RABGAP1L: variants seen among roughly 807,000 people sequenced by gnomAD.
RABGAP1L encodes RAB GTPase activating protein 1 like, also known as rab GTPase-activating protein 1-like.
RABGAP1L carries 63 observed loss-of-function variants against 137.7 expected under a neutral mutation model. That is an observed-to-expected ratio of 0.46 (90% CI 0.37 to 0.56). The LOEUF (loss-of-function observed/expected upper bound fraction) is 0.56. Among genes scored for constraint, RABGAP1L ranks in the 20% least tolerant of loss-of-function variants. The probability of loss-of-function intolerance (pLI) is 0.00; values close to 1 mark genes in which losing one functional copy is unlikely to be tolerated. For synonymous variants in RABGAP1L, 431 were observed against 433.7 expected (o/e 0.99, Z 0.08); for missense variants, 1,095 against 1,244.0 (o/e 0.88, Z 1.80).
chr1:174,918,343 ATACTT>A (rs1371569107), intron 19 of RABGAP1L, among the ~76,000 whole-genome samples: 1 of 152,218 alleles, frequency 6.6e-6, no homozygotes, highest in Non-Finnish European at 1.5e-5. Flanking sequence ...TATGTGAAAT[ATACTT>A]TATTATCTAT....
Position 174,278,721 on chromosome 1 carries a change from G to A in RABGAP1L, c.1265G>A (p.Arg422Gln), listed in dbSNP as rs1675228179. 1.3e-6 allele frequency: 2 copies of A among 1,586,604 alleles called. No individual in the cohort carries two copies. ...GTCCGTGTGTACCCTGCAAATGAGCGATTTTGGTATTTCAGCAGAAAGACT... is the reference window on the plus strand; with the variant it reads ...GTCCGTGTGTACCCTGCAAATGAGCAATTTTGGTATTTCAGCAGAAAGACT... Reference protein sequence around the residue: ...TVVRVYPANERFWYFSRKTFT... With the variant: ...TVVRVYPANEQFWYFSRKTFT... The change falls in exon 10 of 26, where the codon CGA becomes CAA. Residue 422 changes from arginine to glutamine, a missense_variant. Arg to Gln is a conservative substitution (Grantham distance 43). Transcript: ENST00000681986.
chr1:174,321,981 T>G (rs192602203), intron 11 of RABGAP1L, among the ~76,000 whole-genome samples: 211 of 137,422 alleles, frequency 1.5e-3, no homozygotes, highest in African/African-American at 5.5e-3. Context: ...TTTATATATA[T>G]TAGACAATTT....
At chr1:174,563,031 TA>T (rs2148023193) in intron 13 of RABGAP1L, among the ~76,000 whole-genome samples, 1 of 152,268 alleles carries the variant, frequency 6.6e-6, no homozygotes, top group Admixed American at 6.5e-5. Flanking sequence ...TGAAGTTTGA[TA>T]TTATCATTTA....
intron 14 of RABGAP1L, among the ~76,000 whole-genome samples, chr1:174,645,755 A>C (rs1674918387): frequency 6.6e-6 from 1 of 152,116 alleles, no homozygotes; most frequent in African/African-American, 2.4e-5. Context: ...GGCTGGGTCA[A>C]ATGGTATTTC....
Position 174,761,974 on chromosome 1 carries a change from A to G in RABGAP1L, c.2211+9620A>G, listed in dbSNP as rs572213346. On this transcript the variant is annotated intron_variant, in intron 18 of 25. Coordinates refer to ENST00000681986, the MANE Select transcript of RABGAP1L (RefSeq NM_001366446.1). This position sits in a 1 kb window ranked among gnomAD's most constrained non-coding sequence, Gnocchi z 4.0. ...TGATGGGAGTTATGGGTAGGTTGCA[A>G]TGTTAAATAGGGTAGTCAGGATAGG... 6.6e-6 allele frequency among the ~76,000 whole-genome samples: 1 copy of G among 152,246 alleles called. No individual in the cohort carries two copies. Among genetic ancestry groups the G allele is most frequent in the South Asian group, 2.1e-4 (1 of 4,824 alleles).
chr1:174,178,143 TC>T (rs1291301781), intron 1 of RABGAP1L, among the ~76,000 whole-genome samples: 1 of 152,232 alleles, frequency 6.6e-6, no homozygotes, highest in Non-Finnish European at 1.5e-5. Context: ...GTTTGTGTCC[TC>T]CCTTATTTCC....
chr1:174,464,196 A>C (rs189514539), intron 13 of RABGAP1L, among the ~76,000 whole-genome samples: 4 of 152,202 alleles, frequency 2.6e-5, no homozygotes. Flanking sequence ...AATGAAAGAT[A>C]GTAAACCTTT....
At chr1:174,619,451 G>C (rs559311429) in intron 13 of RABGAP1L, among the ~76,000 whole-genome samples, 3 of 151,756 alleles carry the variant, frequency 2.0e-5, no homozygotes, top group East Asian at 1.9e-4. Flanking sequence ...TCGGCAGAAA[G>C]TCTACAAGCC....
chr1:174,567,466 T>A (rs1189060885), intron 13 of RABGAP1L, among the ~76,000 whole-genome samples: 4 of 152,194 alleles, frequency 2.6e-5, no homozygotes, highest in African/African-American at 9.7e-5. Flanking sequence ...AATAAAAGGC[T>A]GTGATTTAAT....
At chr1:174,727,526 TA>T (rs1229312787) in intron 17 of RABGAP1L, among the ~76,000 whole-genome samples, 1 of 152,050 alleles carries the variant, frequency 6.6e-6, no homozygotes, top group African/African-American at 2.4e-5. Context: ...AAACAACTAG[TA>T]AAGATGGAGA....
chr1:174,264,348 T>C (rs1446368478), intron 7 of RABGAP1L, among the ~76,000 whole-genome samples: 1 of 152,138 alleles, frequency 6.6e-6, no homozygotes, highest in African/African-American at 2.4e-5. Context: ...TACTCTATTT[T>C]ATTCCATTTT....
At chr1:174,559,747 G>A (rs1238019701) in intron 13 of RABGAP1L, among the ~76,000 whole-genome samples, 1 of 152,180 alleles carries the variant, frequency 6.6e-6, no homozygotes, top group Non-Finnish European at 1.5e-5. Context: ...CCAAAAGCAT[G>A]ACCTGGGAAC....
At chr1:174,372,105 C>T (rs1396141711) in intron 12 of RABGAP1L, among the ~76,000 whole-genome samples, 1 of 152,112 alleles carries the variant, frequency 6.6e-6, no homozygotes, top group Non-Finnish European at 1.5e-5. Context: ...TATCCTTACA[C>T]ATATCACATA....
chr1:174,248,717 G>C (rs1672468594), intron 5 of RABGAP1L, among the ~76,000 whole-genome samples: 1 of 152,174 alleles, frequency 6.6e-6, no homozygotes, highest in Admixed American at 6.5e-5. Flanking sequence ...AAGGAAAACA[G>C]AAGACCTCAT....
chr1:174,175,534 A>G (rs1337683572), intron 1 of RABGAP1L, among the ~76,000 whole-genome samples: 1 of 142,222 alleles, frequency 7.0e-6, no homozygotes, highest in Admixed American at 7.3e-5. Context: ...ATCTTGGCTC[A>G]CTGTAACCTC....
intron 13 of RABGAP1L, among the ~76,000 whole-genome samples, chr1:174,630,774 C>G (rs1476100025): frequency 2.1e-5 from 3 of 144,516 alleles, no homozygotes; most frequent in Non-Finnish European, 4.6e-5. Context: ...CTATTTGATT[C>G]TTCTCTCTTT....
intron 13 of RABGAP1L, among the ~76,000 whole-genome samples, chr1:174,482,251 A>G (rs1659173746): frequency 6.6e-6 from 1 of 152,246 alleles, no homozygotes; most frequent in Admixed American, 6.5e-5. Flanking sequence ...ATTTTAGTCT[A>G]GTGAGACCCA....
intron 19 of RABGAP1L, among the ~76,000 whole-genome samples, chr1:174,874,030 G>T (rs146927655): frequency 6.6e-6 from 1 of 152,208 alleles, no homozygotes; most frequent in African/African-American, 2.4e-5. Context: ...TTGTTAAAAA[G>T]AACAGTTCTA....
chr1:174,196,227 C>CTTTTT (rs758258710), intron 1 of RABGAP1L, among the ~76,000 whole-genome samples: 1 of 141,064 alleles, frequency 7.1e-6, no homozygotes, highest in Non-Finnish European at 1.6e-5. Context: ...TTCTTTCTTT[C>CTTTTT]TTTTTTTTTT....
Sources: allele counts gnomAD v4.1 joint callset (sites outside exome capture counted in the v4.1 genomes callset), GRCh38; gene constraint gnomAD v4.1.1; non-coding constraint Gnocchi (gnomAD v3.1); transcripts MANE v1.5; gene names NCBI Gene and HGNC (gene_info 2026-07-23, HGNC 2026-07-21).